AACS: variants seen among roughly 807,000 people sequenced by gnomAD.
AACS encodes the protein acetoacetate-CoA ligase.
Under a neutral mutation model 83.1 loss-of-function variants are expected in AACS, and 69 were observed. The observed-to-expected ratio is 0.83, with a 90% CI of 0.68 to 1.01. The LOEUF (loss-of-function observed/expected upper bound fraction) is 1.01. Among genes scored for constraint, AACS ranks in the 50% least tolerant of loss-of-function variants. The probability of loss-of-function intolerance (pLI) is 0.00; values close to 1 mark genes in which losing one functional copy is unlikely to be tolerated. For missense variants in AACS, 866 were observed against 882.2 expected (o/e 0.98, Z 0.23); for synonymous variants, 333 against 343.4 (o/e 0.97, Z 0.33).
Position 125,080,024 on chromosome 12 carries a change from G to GATC in AACS, c.358+3415_358+3417dup, listed in dbSNP as rs796901437. ...CAAGGTTCATCCACATTGTAGCATG[G>GATC]ATCAGTACTTCATTCCTTTTATGTC... On this transcript the variant is annotated intron_variant, in intron 3 of 17. Coordinates refer to ENST00000316519, the MANE Select transcript of AACS (RefSeq NM_023928.5). 4.7e-4 allele frequency among the ~76,000 whole-genome samples: 72 copies of GATC among 152,298 alleles called. 1 individual carries two copies. The highest frequency in any genetic ancestry group is 1.7e-3 in the African/African-American group (70 of 41,566).
intron 9 of AACS, among the ~76,000 whole-genome samples, chr12:125,115,270 T>A (rs1201092609): frequency 2.0e-5 from 3 of 151,396 alleles, no homozygotes; most frequent in African/African-American, 7.3e-5. Context: ...GTTTTTTTTT[T>A]TTTTTTTTGC....
chr12:125,127,943 A>G (rs1174252859), intron 12 of AACS: 2 of 395,338 alleles, frequency 5.1e-6, no homozygotes, highest in Middle Eastern at 3.3e-4. Flanking sequence ...AGGCTCGGCT[A>G]AAACGTCAAT....
chr12:125,136,585 C>A, intron 16 of AACS, 77 bp from the exon 17 acceptor site: 1 of 1,283,442 alleles, frequency 7.8e-7, no homozygotes. Flanking sequence ...CCCTCCTGCT[C>A]TGCCAGGTTG....
At chr12:125,071,633 G>A (rs1349430965) in intron 1 of AACS, among the ~76,000 whole-genome samples, 2 of 152,152 alleles carry the variant, frequency 1.3e-5, no homozygotes, top group African/African-American at 4.8e-5. Context: ...GTAGAGGCGG[G>A]GAGCGTGGGA....
intron 5 of AACS, among the ~76,000 whole-genome samples, chr12:125,093,076 A>C (rs960915817): frequency 1.1e-4 from 16 of 152,102 alleles, no homozygotes; most frequent in Non-Finnish European, 2.4e-4. Context: ...GTTTGTGTGG[A>C]GCCGGGGACA....
intron 9 of AACS, among the ~76,000 whole-genome samples, chr12:125,115,260 G>GTTT (rs1160254486): frequency 6.0e-5 from 8 of 132,916 alleles, no homozygotes; most frequent in Non-Finnish European, 8.2e-5. Context: ...TCTGTGCTGA[G>GTTT]TTTTTTTTTT....
chr12:125,106,986 A>G (rs1956846628), intron 7 of AACS, 135 bp from the exon 8 acceptor site: 1 of 1,326,230 alleles, frequency 7.5e-7, no homozygotes, highest in Non-Finnish European at 1.0e-6. Context: ...GAAGTTTCCA[A>G]ATCTGGCCAC....
chr12:125,107,064 G>T (rs1161701568), intron 7 of AACS, 57 bp from the exon 8 acceptor site: 1 of 1,609,632 alleles, frequency 6.2e-7, no homozygotes, highest in Non-Finnish European at 8.5e-7. Flanking sequence ...GAATCAGTGG[G>T]TCCGGTCCAG....
rs777269472 is a variant in AACS, at chr12:125,128,259, G to C, written c.1408G>C (p.Ala470Pro). The change falls in exon 13 of 18, where the codon GCG (alanine) becomes CCG (proline). Residue 470 changes from alanine (A) to proline (P), a missense_variant. By Grantham distance (27) the Ala-to-Pro change is conservative. Transcript: ENST00000316519. The stretch of plus-strand genomic sequence containing the variant: ...CCGGAACCTGGGCATGGCCGTGGAA[G>C]CGTGGAACGAGGAAGGTGATGGCTC... ...QARNLGMAVE[A>P]WNEEGKAVWG... 1 of 1,612,070 alleles carries C rather than the reference G, an allele frequency of 6.2e-7. No homozygotes were observed. Among genetic ancestry groups the C allele is most frequent in the East Asian group, 2.2e-5 (1 of 44,798 alleles).
At chr12:125,136,622 G>A (rs1957404165) in intron 16 of AACS, 40 bp from the exon 17 acceptor site, 4 of 1,591,772 alleles carry the variant, frequency 2.5e-6, no homozygotes, top group Non-Finnish European at 3.4e-6. Context: ...CACACTGAGG[G>A]GCCCCCTGCG....
In AACS at chr12:125,076,602, T is replaced by C. The variant is rs772683047; in HGVS notation, c.349T>C (p.Tyr117His). 1.8e-5 allele frequency: 29 copies of C among 1,614,144 alleles called. 1 individual carries two copies. The South Asian group carries it at 3.2e-4, about 18-fold the overall frequency. Residue 117 changes from tyrosine (Y) to histidine (H), a missense_variant, in exon 3 of 18, where the codon TAC (tyrosine) becomes CAC (histidine). Tyr to His is a moderately conservative substitution (Grantham distance 83). Transcript: ENST00000316519. ...RHKENDRVALYIAREGKEEIV... is the reference protein window; with the variant it reads ...RHKENDRVALHIAREGKEEIV... ...CAAAGAGAATGACAGAGTTGCCCTT[T>C]ACATTGCAAGTAAGTCCTGATGGCG... is the stretch of plus-strand genomic sequence containing the variant.
chr12:125,109,004 T>C (rs1010528859), intron 8 of AACS, among the ~76,000 whole-genome samples: 1 of 151,806 alleles, frequency 6.6e-6, no homozygotes, highest in Non-Finnish European at 1.5e-5. Context: ...AACCAAACCT[T>C]TTATTTTTGA....
rs1957466358 is a variant in AACS at position 125,140,406 on chromosome 12, T to C, written c.1882-1686T>C. 1.3e-5 allele frequency: 2 copies of C among 152,312 alleles called. No homozygotes were observed. Among genetic ancestry groups the C allele is most frequent in the Middle Eastern group, 3.4e-3 (1 of 294 alleles). The allele number at this position is 152,312 out of a possible 1,614,324, so 9.4% of individuals were successfully genotyped here. A position where few individuals can be genotyped will look rare whatever the true frequency, so the allele number is the denominator to read the frequency against. ...TGCCAGCGGGTGGAAGGTGGCGGTA[T>C]TAGCTCCCGTGAGCTGCACGTGGAC... On this transcript the variant is annotated intron_variant, in intron 17 of 17. Coordinates refer to ENST00000316519, the MANE Select transcript of AACS (RefSeq NM_023928.5). This position sits in a 1 kb window ranked among gnomAD's most constrained non-coding sequence, Gnocchi z 5.1.
At chr12:125,072,871 A>G (rs1324729589) in intron 1 of AACS, among the ~76,000 whole-genome samples, 1 of 149,370 alleles carries the variant, frequency 6.7e-6, no homozygotes. Flanking sequence ...CATAAAAGTT[A>G]GACTGTTGTG....
At position 125,118,641 on chromosome 12, in the gene AACS, G is replaced by A; in HGVS notation, c.997G>A (p.Val333Ile). Reference sequence around the variant, plus strand: ...AGCCGCATCCCTCCTGTCTTTGCAGGTCGGCTGGATGATGTGGAACTGGAT... The same window carrying A: ...AGCCGCATCCCTCCTGTCTTTGCAGATCGGCTGGATGATGTGGAACTGGAT... ...SSDILLCYTT[V>I]GWMMWNWMVS... Residue 333 changes from valine (V) to isoleucine (I), a missense_variant and splice_region_variant, in exon 10 of 18, where the codon GTC becomes ATC. By Grantham distance (29) the Val-to-Ile change is conservative. Transcript: ENST00000316519. The A allele has an allele frequency of 6.2e-7, 1 of 1,614,086 alleles. No homozygotes were observed. Among genetic ancestry groups the A allele is most frequent in the Non-Finnish European group, 8.5e-7 (1 of 1,179,976 alleles).
At chr12:125,125,433 C>T (rs1957232691) in intron 12 of AACS, among the ~76,000 whole-genome samples, 1 of 152,182 alleles carries the variant, frequency 6.6e-6, no homozygotes, top group Non-Finnish European at 1.5e-5. Context: ...CCTGCCCCAC[C>T]CTGCCCTGGG....
chr12:125,109,611 G>A (rs114294399), intron 8 of AACS, among the ~76,000 whole-genome samples: 2,314 of 151,388 alleles, frequency 0.015, 67 homozygotes, highest in African/African-American at 0.053. Flanking sequence ...AGTGTGTAGC[G>A]CGCTCATCAA....
Position 125,076,517 on chromosome 12 carries a change from A to G in AACS, c.264A>G (p.Ala88=), listed in dbSNP as rs747818132. Residue 88 remains alanine, a synonymous_variant, in exon 3 of 18, where the codon GCA becomes GCG. Coordinates refer to ENST00000316519, the MANE Select transcript of AACS (RefSeq NM_023928.5). ...DEVVDTSKGI[A]DVPEWFKGSR... ...TTGTGGACACATCGAAAGGAATCGC[A>G]GATGTCCCCGAGTGGTTCAAAGGCA... 6.2e-7 allele frequency: 1 copy of G among 1,614,168 alleles called. No homozygotes were observed. The highest frequency in any genetic ancestry group is 8.5e-7 in the Non-Finnish European group (1 of 1,180,010).
intron 10 of AACS, 78 bp downstream of exon 10, chr12:125,118,843 T>C: frequency 2.6e-6 from 4 of 1,566,622 alleles, no homozygotes; most frequent in South Asian, 1.2e-5. Context: ...TGCAGAGCTG[T>C]GCCTGCCTTC....
Sources: allele counts gnomAD v4.1 joint callset (sites outside exome capture counted in the v4.1 genomes callset), GRCh38; gene constraint gnomAD v4.1.1; non-coding constraint Gnocchi (gnomAD v3.1); transcripts MANE v1.5; gene names NCBI Gene and HGNC (gene_info 2026-07-23, HGNC 2026-07-21).